Variants in GSTCD observed in about 807,000 individuals in gnomAD.
The protein encoded by GSTCD is glutathione S-transferase C-terminal domain containing, also known as glutathione S-transferase C-terminal domain-containing protein.
In GSTCD, 44 loss-of-function variants were observed where a neutral mutation model predicts 68.3. The observed-to-expected ratio is 0.64, with a 90% confidence interval of 0.51 to 0.83. GSTCD has a LOEUF of 0.83. Ranked by LOEUF, GSTCD falls within the 40% of genes least tolerant of loss-of-function variation. The pLI, the probability that GSTCD is intolerant of heterozygous loss-of-function variation, is 0.00. For missense variants in GSTCD, 739 were observed against 735.9 expected (o/e 1.00, Z -0.05); for synonymous variants, 273 against 255.2 (o/e 1.07, Z -0.67).
At position 105,719,127 on chromosome 4, in the gene GSTCD, C is replaced by T. The variant is rs1732774530; in HGVS notation, c.494C>T (p.Ser165Phe). Residue 165 changes from serine to phenylalanine, a missense_variant, in exon 3 of 12, where the codon TCT becomes TTT. Transcript: ENST00000515279. ...GCTATTGAGAATTTTCTCAGAGAAT[C>T]TTCTGACCAGCCCCCAACTATACCT... ...PLAIENFLRESSDQPPTIPVE... is the reference protein window; with the variant it reads ...PLAIENFLREFSDQPPTIPVE... The T allele has an allele frequency of 2.5e-6, 4 of 1,614,060 alleles. No individual in the cohort carries two copies. The highest frequency in any genetic ancestry group is 3.4e-6 in the Non-Finnish European group (4 of 1,179,966).
intron 8 of GSTCD, among the ~76,000 whole-genome samples, chr4:105,830,810 C>CA (rs1723861450): frequency 6.6e-6 from 1 of 151,906 alleles, no homozygotes; most frequent in Non-Finnish European, 1.5e-5. Flanking sequence ...TGATATCCAG[C>CA]ACACTTCCCT....
chr4:105,733,745 AT>A (rs1578419460), intron 5 of GSTCD, among the ~76,000 whole-genome samples: 2 of 152,182 alleles, frequency 1.3e-5, no homozygotes, highest in African/African-American at 4.8e-5. Context: ...TTAGCTGGTT[AT>A]TTTGCTCGTT....
Position 105,726,678 on chromosome 4 carries a change from G to C in GSTCD, c.994G>C (p.Ala332Pro), listed in dbSNP as rs1288763238. The stretch of plus-strand genomic sequence containing the variant: ...GGAAGTGCCAGGAGTAAAAACAGCA[G>C]CTTCTAAGTGTGGGATCCAATTTCT... ...IQEVPGVKTA[A>P]SKCGIQFLHL... Residue 332 changes from alanine (A) to proline (P), a missense_variant, in exon 4 of 12, where the codon GCT becomes CCT. Physicochemically the swap from Ala to Pro is conservative, Grantham distance 27. Transcript: ENST00000515279. The C allele has an allele frequency of 6.2e-7, 1 of 1,613,962 alleles. No individual in the cohort carries two copies. The highest frequency in any genetic ancestry group is 1.7e-5 in the Admixed American group (1 of 59,954).
intron 5 of GSTCD, among the ~76,000 whole-genome samples, chr4:105,787,650 T>G (rs968223197): frequency 5.3e-5 from 8 of 151,880 alleles, no homozygotes; most frequent in African/African-American, 1.9e-4. Context: ...ATTCTCAGAG[T>G]CTGAGAATAA....
At chr4:105,732,359 C>T (rs981896368) in intron 5 of GSTCD, among the ~76,000 whole-genome samples, 61 of 152,296 alleles carry the variant, frequency 4.0e-4, no homozygotes, top group Non-Finnish European at 6.9e-4. Context: ...ATTATTGCCT[C>T]AATTTCAGAG....
At chr4:105,765,197 A>G (rs925621705) in intron 5 of GSTCD, among the ~76,000 whole-genome samples, 5 of 152,134 alleles carry the variant, frequency 3.3e-5, no homozygotes, top group Admixed American at 2.0e-4. Context: ...CATTAATTTA[A>G]TTAATAATAG....
rs145195983 is a variant in GSTCD at position 105,817,245 on chromosome 4, A to C, written c.1241-5709A>C. Among the ~76,000 whole-genome samples the C allele has an allele frequency of 4.1e-3, 625 of 152,018 alleles. 3 individuals carry two copies. Among genetic ancestry groups the C allele is most frequent in the African/African-American group, 0.014 (594 of 41,530 alleles). ...AGAACAGTTCTATATAGGCCAAGTT[A>C]GTTGTTTGATGTGTTGAATGAATGA... On this transcript the variant is annotated intron_variant, in intron 5 of 11. Transcript: ENST00000515279.
Position 105,847,398 on chromosome 4 carries a change from T to C in GSTCD, c.*1821T>C, listed in dbSNP as rs1435714565. ...TGAGTATTTTAGTCATTTGTGCCTATAGAAAACAACATGCTCTTTTATTGT... is the reference window on the plus strand; with the variant it reads ...TGAGTATTTTAGTCATTTGTGCCTACAGAAAACAACATGCTCTTTTATTGT... On this transcript the variant is annotated 3_prime_UTR_variant, in exon 12 of 12. Coordinates refer to ENST00000515279, the MANE Select transcript of GSTCD (RefSeq NM_001370181.1). The C allele has an allele frequency of 1.3e-5, 2 of 152,204 alleles. No individual in the cohort carries two copies. Among genetic ancestry groups the C allele is most frequent in the African/African-American group, 4.8e-5 (2 of 41,458 alleles). The allele number at this position is 152,204 out of a possible 1,614,324, so 9.4% of individuals were successfully genotyped here. A position where few individuals can be genotyped will look rare whatever the true frequency, so the allele number is the denominator to read the frequency against.
chr4:105,795,572 A>G (rs756984393), intron 5 of GSTCD, among the ~76,000 whole-genome samples: 3 of 152,020 alleles, frequency 2.0e-5, no homozygotes, highest in Non-Finnish European at 4.4e-5. Flanking sequence ...GTGTGTATCT[A>G]TTCATAAATA....
intron 1 of GSTCD, among the ~76,000 whole-genome samples, chr4:105,717,388 T>C (rs977386299): frequency 1.3e-5 from 2 of 152,202 alleles, no homozygotes; most frequent in Admixed American, 1.3e-4. Context: ...GTGTAATATT[T>C]CCTCTAATGC....
chr4:105,772,965 C>T (rs142171126), intron 5 of GSTCD, among the ~76,000 whole-genome samples: 6,784 of 152,134 alleles, frequency 0.045, 210 homozygotes, highest in Middle Eastern at 0.13. Context: ...TGGTAGAATT[C>T]GGCTGTGAAT....
chr4:105,844,837 G>A (rs535007518), intron 11 of GSTCD, among the ~76,000 whole-genome samples: 5 of 152,140 alleles, frequency 3.3e-5, no homozygotes, highest in Non-Finnish European at 7.4e-5. Context: ...TCCAAAGATT[G>A]TAAATGAAAT....
chr4:105,729,570 CTA>C, intron 5 of GSTCD, 71 bp downstream of exon 5: 2 of 955,770 alleles, frequency 2.1e-6, no homozygotes, highest in Non-Finnish European at 3.2e-6. Context: ...TTCTAATTCT[CTA>C]AATCTCCCTT....
At chr4:105,780,717 T>G (rs1735244729) in intron 5 of GSTCD, among the ~76,000 whole-genome samples, 1 of 152,226 alleles carries the variant, frequency 6.6e-6, no homozygotes, top group African/African-American at 2.4e-5. Flanking sequence ...AAGTATTAAT[T>G]TATAATTTAT....
chr4:105,719,700 GA>G (rs1205138724), intron 3 of GSTCD, 173 bp downstream of exon 3: 11 of 575,618 alleles, frequency 1.9e-5, no homozygotes, highest in Non-Finnish European at 2.8e-5. Context: ...TATCTAAAAG[GA>G]AAAATGTAAG....
At chr4:105,773,279 C>G (rs1209708585) in intron 5 of GSTCD, among the ~76,000 whole-genome samples, 1 of 151,998 alleles carries the variant, frequency 6.6e-6, no homozygotes, top group Non-Finnish European at 1.5e-5. Flanking sequence ...AGCTGTCTAT[C>G]TATTTTGTTA....
chr4:105,792,346 T>C (rs1395097117), intron 5 of GSTCD, among the ~76,000 whole-genome samples: 4 of 152,062 alleles, frequency 2.6e-5, no homozygotes, highest in Non-Finnish European at 5.9e-5. Flanking sequence ...TTAAGTTTAC[T>C]TCATTTTTTT....
chr4:105,743,920 A>C (rs1375613862), intron 5 of GSTCD, among the ~76,000 whole-genome samples: 1 of 152,050 alleles, frequency 6.6e-6, no homozygotes, highest in African/African-American at 2.4e-5. Context: ...TGGCCTCCCA[A>C]AGTGTTGGGA....
At chr4:105,823,391 G>A (rs145603348) in intron 7 of GSTCD, 116 bp downstream of exon 7, 32 of 748,282 alleles carry the variant, frequency 4.3e-5, no homozygotes, top group Non-Finnish European at 6.0e-5. Context: ...CAAATATGTG[G>A]CACAGGCATT....
Sources: gnomAD v4.1 joint callset for allele counts (sites outside exome capture counted in the v4.1 genomes callset) on GRCh38, gnomAD v4.1.1 for gene constraint, MANE v1.5 for transcripts, NCBI Gene and HGNC (gene_info 2026-07-23, HGNC 2026-07-21) for gene names.